Variants in KIAA2012 observed in about 807,000 individuals in gnomAD.
KIAA2012 encodes uncharacterized protein KIAA2012.
In KIAA2012, 125 loss-of-function variants were observed where a neutral mutation model predicts 150.6. The ratio of observed to expected loss-of-function variants is 0.83; its 90% CI spans 0.72 to 0.96. The LOEUF (loss-of-function observed/expected upper bound fraction) is 0.96, where lower values mean the gene tolerates loss of function less well. KIAA2012 is among the 40% of genes least tolerant of loss of function. KIAA2012 has a pLI of 0.00. For synonymous variants in KIAA2012, 462 were observed against 504.7 expected, an observed-to-expected ratio of 0.92 and a Z score of 1.13; for missense variants, 1,219 against 1,354.9, an observed-to-expected ratio of 0.90 and a Z score of 1.57.
intron 3 of KIAA2012, among the ~76,000 whole-genome samples, chr2:202,091,464 C>T (rs1331131133): frequency 2.0e-5 from 3 of 152,274 alleles, no homozygotes; most frequent in Admixed American, 1.3e-4. Flanking sequence ...AATGGCGGCT[C>T]TCCAGCGCAA....
intron 10 of KIAA2012, among the ~76,000 whole-genome samples, chr2:202,111,015 C>A (rs1575017231): frequency 1.3e-5 from 2 of 152,144 alleles, no homozygotes; most frequent in Non-Finnish European, 2.9e-5. Flanking sequence ...TCTTTCACAA[C>A]CCCCTCCCCT....
rs570525562 is a variant in KIAA2012, at chr2:202,109,804, AGT to A, written c.1651+17_1651+18del. 2,564 of 1,529,106 alleles carry A rather than the reference AGT, an allele frequency of 1.7e-3. 37 individuals are homozygous for A. In the South Asian group the frequency reaches 0.021, roughly 12 times the overall value. 94.7% of individuals were successfully genotyped at this position (1,529,106 alleles called of 1,614,324 possible). A position where few individuals can be genotyped will look rare whatever the true frequency, so the allele number is the denominator to read the frequency against. On this transcript the variant is annotated intron_variant, in intron 10 of 23. Coordinates refer to ENST00000498697, the MANE Select transcript of KIAA2012 (RefSeq NM_001277372.4). ...AGCAGCTCAAGGTAATCATTCCCAG[AGT>A]GCATAGACGCCCCCCACTGGCTTGA...
intron 5 of KIAA2012, among the ~76,000 whole-genome samples, chr2:202,099,346 T>G (rs978459050): frequency 6.6e-6 from 1 of 152,198 alleles, no homozygotes; most frequent in Admixed American, 6.5e-5. Context: ...TTTTGATTTT[T>G]AATCAAAATC....
At chr2:202,143,969 T>A (rs1310901295) in intron 13 of KIAA2012, among the ~76,000 whole-genome samples, 1 of 152,208 alleles carries the variant, frequency 6.6e-6, no homozygotes, top group Non-Finnish European at 1.5e-5. Context: ...TGAGCCCACT[T>A]GTTTATAGAG....
intron 14 of KIAA2012, 113 bp from the exon 15 acceptor site, chr2:202,165,171 A>T: frequency 1.0e-6 from 1 of 956,860 alleles, no homozygotes; most frequent in South Asian, 1.6e-5. Flanking sequence ...AGGAGAAGAA[A>T]CCACTAAGAA....
At chr2:202,183,011 T>G (rs1217843499) in intron 15 of KIAA2012, among the ~76,000 whole-genome samples, 9 of 152,232 alleles carry the variant, frequency 5.9e-5, no homozygotes, top group Admixed American at 5.9e-4. Context: ...TATGAAGTCT[T>G]GGTCTGGAGA....
At chr2:202,156,709 C>A (rs1205632588) in intron 14 of KIAA2012, among the ~76,000 whole-genome samples, 1 of 152,148 alleles carries the variant, frequency 6.6e-6, no homozygotes, top group Non-Finnish European at 1.5e-5. Context: ...CACGGTGAAA[C>A]CCCATCTCTA....
chr2:202,163,803 TTTTTTC>T (rs748618135), intron 14 of KIAA2012, among the ~76,000 whole-genome samples: 3,488 of 94,886 alleles, frequency 0.037, 72 homozygotes, highest in South Asian at 0.093. Flanking sequence ...TTTTTTTTTT[TTTTTTC>T]CTGTACCAGG....
intron 14 of KIAA2012, among the ~76,000 whole-genome samples, chr2:202,164,453 T>C (rs1449771565): frequency 2.0e-5 from 3 of 152,274 alleles, no homozygotes; most frequent in East Asian, 3.9e-4. Flanking sequence ...TAACCATAGT[T>C]ATGGAGATTT....
intron 22 of KIAA2012, among the ~76,000 whole-genome samples, chr2:202,199,009 T>G (rs1692464211): frequency 6.6e-6 from 1 of 152,188 alleles, no homozygotes; most frequent in Non-Finnish European, 1.5e-5. Context: ...CAGAATTAGC[T>G]TCCTAAATAT....
At chr2:202,118,033 G>A (rs1349527017) in intron 11 of KIAA2012, among the ~76,000 whole-genome samples, 3 of 152,074 alleles carry the variant, frequency 2.0e-5, no homozygotes, top group Non-Finnish European at 4.4e-5. Flanking sequence ...GATTCTCTCG[G>A]TGGAGCAGTT....
At chr2:202,140,449 C>T (rs1242902617) in intron 13 of KIAA2012, among the ~76,000 whole-genome samples, 3 of 152,026 alleles carry the variant, frequency 2.0e-5, no homozygotes, top group Non-Finnish European at 4.4e-5. Context: ...TTGTCCAAGT[C>T]GCAGTAGTCC....
chr2:202,138,414 C>CT lies in KIAA2012; in HGVS notation c.1832-15dup, dbSNP rs1270369074. ...TCTGACCACCTTGATCTTTTTTCCT[C>CT]TTTGATTTTCACTACAGCAAACACT... On this transcript the variant is annotated splice_polypyrimidine_tract_variant and intron_variant, in intron 12 of 23. Coordinates refer to ENST00000498697, the MANE Select transcript of KIAA2012 (RefSeq NM_001277372.4). The CT allele has an allele frequency of 6.5e-7, 1 of 1,547,486 alleles. No individual in the cohort carries two copies. Among genetic ancestry groups the CT allele is most frequent in the East Asian group, 2.4e-5 (1 of 40,892 alleles).
Position 202,188,141 on chromosome 2 carries a change from T to G in KIAA2012, c.2377-11T>G, listed in dbSNP as rs1167125256. On this transcript the variant is annotated splice_polypyrimidine_tract_variant and intron_variant, in intron 17 of 23. Coordinates refer to ENST00000498697, the MANE Select transcript of KIAA2012 (RefSeq NM_001277372.4). ...ATATTATGGTCCCCTTCCTTGATTT[T>G]TCACCTTTAGGAGAGGGATTTGATT... The G allele has an allele frequency of 5.8e-6, 9 of 1,546,400 alleles. No individual in the cohort carries two copies. Among genetic ancestry groups the G allele is most frequent in the Non-Finnish European group, 7.9e-6 (9 of 1,145,040 alleles).
At chr2:202,187,311 C>T (rs1553562443) in intron 17 of KIAA2012, among the ~76,000 whole-genome samples, 1 of 148,120 alleles carries the variant, frequency 6.8e-6, no homozygotes, top group Non-Finnish European at 1.5e-5. Context: ...TTTCTAATTC[C>T]TTTTTTTTTT....
rs1416674102 is a variant in KIAA2012, at chr2:202,107,485, A to G, written c.1474+1575A>G. Among the ~76,000 whole-genome samples, 6 of 152,142 alleles carry G rather than the reference A, an allele frequency of 3.9e-5. No homozygotes were observed. In the South Asian group the frequency reaches 1.0e-3, roughly 26 times the overall value. The stretch of plus-strand genomic sequence containing the variant: ...TTCTACTTATGGGCCACAATGCGAG[A>G]TGCACAGCTGGAGCCACGAGATAAA... On this transcript the variant is annotated intron_variant, in intron 9 of 23. Transcript: ENST00000498697.
chr2:202,125,183 C>A, intron 11 of KIAA2012, 31 bp from the exon 12 acceptor site: 1 of 1,520,548 alleles, frequency 6.6e-7, no homozygotes, highest in Non-Finnish European at 8.9e-7. Context: ...CTTTTTCCCG[C>A]TCTCAGGTAA....
Position 202,099,740 on chromosome 2 carries a change from A to T in KIAA2012, c.956A>T (p.Lys319Ile), listed in dbSNP as rs1378278105. ...RIDHSWLPSDKSHITFCGGAF... is the reference protein window; with the variant it reads ...RIDHSWLPSDISHITFCGGAF... ...GATCACTCTTGGCTCCCAAGTGACA[A>T]ATCCCACATTACATTCTGTGGAGGC... The change falls in exon 6 of 24, where the codon AAA becomes ATA. Residue 319 changes from lysine (K) to isoleucine (I), a missense_variant. By Grantham distance (102) the Lys-to-Ile change is moderately radical (BLOSUM62 -3). Transcript: ENST00000498697. 1.3e-6 allele frequency: 2 copies of T among 1,550,608 alleles called. No individual in the cohort carries two copies. The highest frequency in any genetic ancestry group is 1.7e-6 in the Non-Finnish European group (2 of 1,146,992).
intron 21 of KIAA2012, 47 bp downstream of exon 21, chr2:202,194,409 GAAACACTTT>G: frequency 6.5e-7 from 1 of 1,542,492 alleles, no homozygotes; most frequent in Non-Finnish European, 8.7e-7. Context: ...ACTTGGGGCA[GAAACACTTT>G]TATCCAGCTG....
Sources: gnomAD v4.1 joint callset for allele counts (sites outside exome capture counted in the v4.1 genomes callset) on GRCh38, gnomAD v4.1.1 for gene constraint, MANE v1.5 for transcripts, NCBI Gene and HGNC (gene_info 2026-07-23, HGNC 2026-07-21) for gene names.